The following NELL2 variants were observed in gnomAD, a reference collection of about 807,000 sequenced individuals.
The protein encoded by NELL2 is protein kinase C-binding protein NELL2.
A neutral mutation model predicts 109.6 loss-of-function variants in NELL2; 41 were observed. The ratio of observed to expected loss-of-function variants is 0.37; its 90% CI spans 0.29 to 0.49. The LOEUF is 0.49. Ranked by LOEUF, NELL2 falls within the 20% of genes least tolerant of loss-of-function variation. The pLI is 0.98. For synonymous variants in NELL2, 355 were observed against 344.7 expected, an observed-to-expected ratio of 1.03 and a Z score of -0.33; for missense variants, 900 against 1,008.3, an observed-to-expected ratio of 0.89 and a Z score of 1.45.
chr12:44,811,337 T>TAAAAAAAAAAAAAAAAAA (rs10683929), intron 3 of NELL2, among the ~76,000 whole-genome samples: 2 of 103,182 alleles, frequency 1.9e-5, no homozygotes, highest in African/African-American at 4.0e-5. Flanking sequence ...GAACTAAAAG[T>TAAAAAAAAAAAAAAAAAA]AAAAAAAAAA....
intron 2 of NELL2, among the ~76,000 whole-genome samples, chr12:44,831,500 C>T (rs1263992075): frequency 1.3e-5 from 2 of 152,148 alleles, no homozygotes; most frequent in Non-Finnish European, 2.9e-5. Context: ...TGGCAGATTG[C>T]TAACTGTCCT....
intron 12 of NELL2, among the ~76,000 whole-genome samples, chr12:44,690,904 G>C (rs1298393434): frequency 6.6e-6 from 1 of 152,110 alleles, no homozygotes; most frequent in African/African-American, 2.4e-5. Flanking sequence ...CTTGTTCCTA[G>C]TGCTATTTAA....
chr12:44,586,775 G>C (rs752611018), intron 15 of NELL2, among the ~76,000 whole-genome samples: 1 of 152,236 alleles, frequency 6.6e-6, no homozygotes, highest in African/African-American at 2.4e-5. Flanking sequence ...TAAGATATAA[G>C]GGTTATTTTT....
chr12:44,848,134 C>A (rs868530936), intron 2 of NELL2, among the ~76,000 whole-genome samples: 22 of 151,880 alleles, frequency 1.4e-4, no homozygotes, highest in Admixed American at 3.3e-4. Context: ...AGGGCATAGC[C>A]ACATCAAAGT....
chr12:44,740,527 C>T (rs887240426), intron 9 of NELL2, among the ~76,000 whole-genome samples: 4 of 152,086 alleles, frequency 2.6e-5, no homozygotes, highest in Admixed American at 6.5e-5. Context: ...CCTAACCACA[C>T]ATACCTAAAT....
intron 2 of NELL2, among the ~76,000 whole-genome samples, chr12:44,848,305 C>G (rs1005096917): frequency 6.6e-6 from 1 of 152,096 alleles, no homozygotes; most frequent in Non-Finnish European, 1.5e-5. Flanking sequence ...AGGCTAGGCT[C>G]AAATATGAGT....
chr12:44,525,915 G>C (rs1372007460), intron 16 of NELL2, among the ~76,000 whole-genome samples: 1 of 151,038 alleles, frequency 6.6e-6, no homozygotes, highest in Non-Finnish European at 1.5e-5. Context: ...GCAAAGAGTA[G>C]GTAAAGAGTG....
intron 9 of NELL2, among the ~76,000 whole-genome samples, chr12:44,767,536 GA>G (rs34780858): frequency 0.22 from 34,118 of 151,872 alleles, 4,050 homozygotes; most frequent in South Asian, 0.28. Context: ...TTACTCTATA[GA>G]AAAAAGCCAT....
chr12:44,838,004 C>G (rs1488535440), intron 2 of NELL2, among the ~76,000 whole-genome samples: 1 of 152,138 alleles, frequency 6.6e-6, no homozygotes, highest in South Asian at 2.1e-4. Flanking sequence ...GTGAAACCTG[C>G]ACGGGGGAAT....
intron 2 of NELL2, among the ~76,000 whole-genome samples, chr12:44,845,963 T>A (rs1040002159): frequency 6.6e-6 from 1 of 152,190 alleles, no homozygotes; most frequent in Non-Finnish European, 1.5e-5. Flanking sequence ...ATTCAAGACT[T>A]TAGATTAGAA....
At chr12:44,814,349 T>C (rs1943269191) in intron 3 of NELL2, among the ~76,000 whole-genome samples, 1 of 152,196 alleles carries the variant, frequency 6.6e-6, no homozygotes, top group Admixed American at 6.5e-5. Context: ...TTTCCTAGCA[T>C]GTAGAGGTAA....
At chr12:44,766,015 G>T (rs1056493745) in intron 9 of NELL2, among the ~76,000 whole-genome samples, 1 of 152,004 alleles carries the variant, frequency 6.6e-6, no homozygotes, top group Non-Finnish European at 1.5e-5. Context: ...AGCTACAGGA[G>T]GTGGAGGCTG....
rs372243145 is a variant in NELL2, at chr12:44,707,512, A to T, written c.1190-3658T>A. On this transcript the variant is annotated intron_variant, in intron 11 of 19. Transcript: ENST00000429094. ...AATTTATCCTCTGCTTATTGGGCCTACATATTCCATTTTTTTGCCATGAAA... is the reference window on the plus strand; with the variant it reads ...AATTTATCCTCTGCTTATTGGGCCTTCATATTCCATTTTTTTGCCATGAAA... Among the ~76,000 whole-genome samples, 31 of 152,282 alleles carry T rather than the reference A, an allele frequency of 2.0e-4. 1 individual carries two copies. The East Asian group carries it at 5.8e-3, about 28-fold the overall frequency.
chr12:44,617,225 G>A (rs1268912546), intron 13 of NELL2, among the ~76,000 whole-genome samples: 1 of 152,160 alleles, frequency 6.6e-6, no homozygotes, highest in Non-Finnish European at 1.5e-5. Context: ...GAAAAAATGA[G>A]AGAATTATGT....
At chr12:44,579,600 T>G (rs1452826884) in intron 15 of NELL2, among the ~76,000 whole-genome samples, 1 of 152,140 alleles carries the variant, frequency 6.6e-6, no homozygotes, top group Non-Finnish European at 1.5e-5. Flanking sequence ...TAAAACAAAT[T>G]TACTACTGCC....
In NELL2 at chr12:44,625,688, A is replaced by G. The variant is rs79343073; in HGVS notation, c.1445-14718T>C. On this transcript the variant is annotated intron_variant, in intron 13 of 19. Coordinates refer to ENST00000429094, the MANE Select transcript of NELL2 (RefSeq NM_001145108.2). ...CCTGACCTGATTGCTGAATACTTGCAACAGAAGGCTTTTATTTGTATGTCA... is the reference window on the plus strand; with the variant it reads ...CCTGACCTGATTGCTGAATACTTGCGACAGAAGGCTTTTATTTGTATGTCA... Among the ~76,000 whole-genome samples, 189 of 152,248 alleles carry G rather than the reference A, an allele frequency of 1.2e-3. 3 individuals carry two copies. The East Asian group carries it at 0.026, about 21-fold the overall frequency.
At chr12:44,783,949 C>T (rs1190443824) in intron 3 of NELL2, among the ~76,000 whole-genome samples, 15 of 151,912 alleles carry the variant, frequency 9.9e-5, no homozygotes, top group Non-Finnish European at 2.2e-4. Flanking sequence ...TATAATTCAG[C>T]AATATATAAA....
intron 1 of NELL2, among the ~76,000 whole-genome samples, chr12:44,908,042 G>A (rs1211037880): frequency 6.6e-6 from 1 of 151,956 alleles, no homozygotes; most frequent in Non-Finnish European, 1.5e-5. Flanking sequence ...TCATCCATTG[G>A]AAGTCATGAT....
chr12:44,876,657 C>A (rs1372114451), upstream of NELL2: 1 of 1,551,354 alleles, frequency 6.4e-7, no homozygotes, highest in Non-Finnish European at 8.7e-7. Context: ...AAAAGACCAC[C>A]CAGCTGCAGG....
Sources: allele counts gnomAD v4.1 joint callset (sites outside exome capture counted in the v4.1 genomes callset), GRCh38; gene constraint gnomAD v4.1.1; transcripts MANE v1.5; gene names NCBI Gene and HGNC (gene_info 2026-07-23, HGNC 2026-07-21).